Variants in SUCLG2 observed in about 807,000 individuals in gnomAD.
The protein encoded by SUCLG2 is succinate--CoA ligase [GDP-forming] subunit beta, mitochondrial.
In SUCLG2, 42 loss-of-function variants were observed where a neutral mutation model predicts 47.9. The ratio of observed to expected loss-of-function variants is 0.88; its 90% CI spans 0.69 to 1.14. The LOEUF (loss-of-function observed/expected upper bound fraction) is 1.14, where lower values mean the gene tolerates loss of function less well. Ranked by LOEUF, SUCLG2 falls within the 50% of genes most tolerant of loss-of-function variation. The pLI, the probability that SUCLG2 is intolerant of heterozygous loss-of-function variation, is 0.00. For missense variants in SUCLG2, 571 were observed against 525.9 expected (o/e 1.09, Z -0.84); for synonymous variants, 195 against 197.3 (o/e 0.99, Z 0.10).
chr3:67,391,503 G>C (rs1374106744), intron 10 of SUCLG2, among the ~76,000 whole-genome samples: 3 of 152,134 alleles, frequency 2.0e-5, no homozygotes, highest in Non-Finnish European at 4.4e-5. Context: ...TGTCCCATAT[G>C]CTTCGTGGCT....
rs576746307 is a variant in SUCLG2 at position 67,519,039 on chromosome 3, A to G, written c.571-703T>C. ...GTCTTCAAATAACGTTACTTCATTC[A>G]AGGTCGTTTTGTTATAAGGTTGAGA... is the stretch of plus-strand genomic sequence containing the variant. On this transcript the variant is annotated intron_variant, in intron 5 of 10. Transcript: ENST00000307227. Among the ~76,000 whole-genome samples the G allele has an allele frequency of 2.0e-5, 3 of 152,188 alleles. No homozygotes were observed. In the East Asian group the frequency reaches 5.8e-4, roughly 29 times the overall value.
chr3:67,414,600 T>G (rs571034955), intron 9 of SUCLG2, among the ~76,000 whole-genome samples: 1 of 152,338 alleles, frequency 6.6e-6, no homozygotes, highest in East Asian at 1.9e-4. Context: ...CATGCGAATG[T>G]AGGCCTTTTA....
chr3:67,423,408 C>T (rs1444107324), intron 9 of SUCLG2, among the ~76,000 whole-genome samples: 1 of 152,162 alleles, frequency 6.6e-6, no homozygotes, highest in Non-Finnish European at 1.5e-5. Context: ...TGGACTAATA[C>T]ACCTAGGAAT....
chr3:67,604,482 T>C (rs1193199741), intron 2 of SUCLG2, among the ~76,000 whole-genome samples: 1 of 152,242 alleles, frequency 6.6e-6, no homozygotes, highest in African/African-American at 2.4e-5. Flanking sequence ...TCCCATCATC[T>C]TTGTCATTTA....
chr3:67,642,384 C>G (rs559155100), intron 1 of SUCLG2, among the ~76,000 whole-genome samples: 8 of 152,086 alleles, frequency 5.3e-5, no homozygotes, highest in African/African-American at 1.9e-4. Flanking sequence ...GTGGGAGGAT[C>G]ACTTGAGGCC....
At chr3:67,609,630 CA>C in intron 1 of SUCLG2, 34 bp from the exon 2 acceptor site, 1 of 1,594,012 alleles carries the variant, frequency 6.3e-7, no homozygotes, top group Non-Finnish European at 8.5e-7. Flanking sequence ...TAAGAACATT[CA>C]TTAATAGCAA....
intron 7 of SUCLG2, among the ~76,000 whole-genome samples, chr3:67,503,082 T>A (rs1202581277): frequency 6.6e-6 from 1 of 152,180 alleles, no homozygotes; most frequent in East Asian, 1.9e-4. Context: ...TCATATTGCC[T>A]ATGGCTGCCT....
rs546683503 is a variant in SUCLG2 at position 67,528,039 on chromosome 3, G to A, written c.417+93C>T. ...TAAAATGGCACACTGCCAAAGAGCAGTACTTCATTAGATTCTGTCAAAAAC... is the reference window on the plus strand; with the variant it reads ...TAAAATGGCACACTGCCAAAGAGCAATACTTCATTAGATTCTGTCAAAAAC... On this transcript the variant is annotated intron_variant, in intron 4 of 10. Transcript: ENST00000307227. The A allele has an allele frequency of 8.1e-6, 9 of 1,108,952 alleles. No individual in the cohort carries two copies. The East Asian group carries it at 1.3e-4, about 16-fold the overall frequency. 68.7% of individuals were successfully genotyped at this position (1,108,952 alleles called of 1,614,324 possible).
intron 1 of SUCLG2, among the ~76,000 whole-genome samples, chr3:67,626,271 C>T (rs1014648838): frequency 2.6e-5 from 4 of 151,964 alleles, no homozygotes; most frequent in Admixed American, 6.6e-5. Flanking sequence ...GGATTACAGG[C>T]GTGAGCCACT....
At chr3:67,650,312 T>C (rs1701264215) in intron 1 of SUCLG2, among the ~76,000 whole-genome samples, 1 of 152,206 alleles carries the variant, frequency 6.6e-6, no homozygotes, top group African/African-American at 2.4e-5. Flanking sequence ...CCCACTTCCG[T>C]AAAGGCAGAA....
At chr3:67,527,988 A>C (rs1706299995) in intron 4 of SUCLG2, 144 bp downstream of exon 4, 2 of 661,478 alleles carry the variant, frequency 3.0e-6, no homozygotes, top group Non-Finnish European at 5.1e-6. Context: ...ACTACTTACT[A>C]AACAGATTAG....
At chr3:67,397,072 A>G (rs1192317086) in intron 10 of SUCLG2, among the ~76,000 whole-genome samples, 23 of 151,610 alleles carry the variant, frequency 1.5e-4, no homozygotes, top group African/African-American at 5.6e-4. Context: ...TATCATACTG[A>G]ATGGGCAAAA....
intron 10 of SUCLG2, among the ~76,000 whole-genome samples, chr3:67,394,551 G>A (rs899454525): frequency 2.6e-5 from 4 of 151,250 alleles, no homozygotes; most frequent in African/African-American, 9.7e-5. Context: ...TCTCATTGGT[G>A]TACCTGAAAG....
chr3:67,523,989 T>C (rs1028348986), intron 4 of SUCLG2, among the ~76,000 whole-genome samples: 8 of 152,210 alleles, frequency 5.3e-5, no homozygotes, highest in African/African-American at 1.9e-4. Context: ...AAACAGCTCT[T>C]GCTTCACAGG....
intron 2 of SUCLG2, among the ~76,000 whole-genome samples, chr3:67,605,566 C>A (rs1385856189): frequency 6.6e-6 from 1 of 152,044 alleles, no homozygotes; most frequent in Non-Finnish European, 1.5e-5. Flanking sequence ...TTGAATTTTC[C>A]AAATTCCTGT....
downstream of SUCLG2, among the ~76,000 whole-genome samples, chr3:67,372,112 G>A (rs1363773890): frequency 6.6e-6 from 1 of 152,158 alleles, no homozygotes; most frequent in Non-Finnish European, 1.5e-5. Context: ...ATTAGCATTA[G>A]ACTTTAAAAT....
chr3:67,391,087 G>C (rs1330722173), intron 10 of SUCLG2, among the ~76,000 whole-genome samples: 1 of 152,002 alleles, frequency 6.6e-6, no homozygotes, highest in Non-Finnish European at 1.5e-5. Flanking sequence ...AATACCAAAA[G>C]GTTTGTTTCA....
chr3:67,448,124 C>A (rs56311655), intron 9 of SUCLG2, among the ~76,000 whole-genome samples: 2,533 of 152,050 alleles, frequency 0.017, 44 homozygotes, highest in East Asian at 0.074. Context: ...TACAAAAGTT[C>A]ATAAGGATAT....
intron 4 of SUCLG2, among the ~76,000 whole-genome samples, chr3:67,523,829 AC>A (rs1408651402): frequency 6.6e-5 from 10 of 152,140 alleles, no homozygotes; most frequent in Non-Finnish European, 1.5e-5. Context: ...ATACTTAATG[AC>A]TTTCAGTAGT....
Sources: gnomAD v4.1 joint callset for allele counts (sites outside exome capture counted in the v4.1 genomes callset) on GRCh38, gnomAD v4.1.1 for gene constraint, MANE v1.5 for transcripts, NCBI Gene and HGNC (gene_info 2026-07-23, HGNC 2026-07-21) for gene names.